KCTD16: variants seen among roughly 807,000 people sequenced by gnomAD.
KCTD16 encodes potassium channel tetramerization domain containing 16.
Under a neutral mutation model 33.2 loss-of-function variants are expected in KCTD16, and 13 were observed. The ratio of observed to expected loss-of-function variants is 0.39; its 90% confidence interval spans 0.25 to 0.62. The LOEUF is 0.62. Among genes scored for constraint, KCTD16 ranks in the 20% least tolerant of loss-of-function variants. The pLI is 0.50. For synonymous variants in KCTD16, 197 were observed against 195.3 expected, an observed-to-expected ratio of 1.01 and a Z score of -0.07; for missense variants, 441 against 525.1, an observed-to-expected ratio of 0.84 and a Z score of 1.57.
intron 3 of KCTD16, among the ~76,000 whole-genome samples, chr5:144,352,070 G>A (rs1331816403): frequency 6.6e-6 from 1 of 152,134 alleles, no homozygotes; most frequent in Non-Finnish European, 1.5e-5. Context: ...TCGTGCATGT[G>A]TTAAATAGCT....
At chr5:144,253,903 A>T (rs1754771174) in intron 3 of KCTD16, among the ~76,000 whole-genome samples, 1 of 152,220 alleles carries the variant, frequency 6.6e-6, no homozygotes, top group South Asian at 2.1e-4. Context: ...TTTTTCATAT[A>T]AAAGTTTTTA....
chr5:144,413,628 T>C (rs1212029893), intron 3 of KCTD16, among the ~76,000 whole-genome samples: 1 of 152,120 alleles, frequency 6.6e-6, no homozygotes, highest in Non-Finnish European at 1.5e-5. Context: ...TCAGGGACTA[T>C]AAGAAGGATT....
chr5:144,305,443 G>A (rs954283147), intron 3 of KCTD16, among the ~76,000 whole-genome samples: 2 of 152,186 alleles, frequency 1.3e-5, no homozygotes, highest in East Asian at 3.8e-4. Flanking sequence ...TCTGACTGGT[G>A]TCTTTATAAG....
At chr5:144,345,044 T>C (rs1019899882) in intron 3 of KCTD16, among the ~76,000 whole-genome samples, 2 of 152,028 alleles carry the variant, frequency 1.3e-5, no homozygotes, top group Non-Finnish European at 2.9e-5. Flanking sequence ...GATGAGTTCA[T>C]GTCCTTTGTA....
At chr5:144,400,945 A>C (rs1446390296) in intron 3 of KCTD16, among the ~76,000 whole-genome samples, 1 of 152,166 alleles carries the variant, frequency 6.6e-6, no homozygotes, top group Non-Finnish European at 1.5e-5. Flanking sequence ...GCTATGCAAA[A>C]GCTTTACATA....
At chr5:144,411,521 TA>T (rs1275543807) in intron 3 of KCTD16, among the ~76,000 whole-genome samples, 8 of 152,080 alleles carry the variant, frequency 5.3e-5, no homozygotes, top group Non-Finnish European at 8.8e-5. Context: ...CTCACCAGAT[TA>T]AAAAAATTAA....
At chr5:144,179,236 A>G (rs1339376601) in intron 2 of KCTD16, among the ~76,000 whole-genome samples, 1 of 152,178 alleles carries the variant, frequency 6.6e-6, no homozygotes, top group Non-Finnish European at 1.5e-5. Context: ...CCTACCCAGC[A>G]GAAAAGTCTC....
chr5:144,203,232 G>GTAATATTAATACTCTTTTTAAGAGTAT (rs1561527273), intron 2 of KCTD16, among the ~76,000 whole-genome samples: 2 of 151,790 alleles, frequency 1.3e-5, no homozygotes, highest in African/African-American at 4.8e-5. Context: ...GCAATTTAAA[G>GTAATATTAATACTCTTTTTAAGAGTAT]TAATATTAAT....
At chr5:144,322,914 C>T (rs1752111686) in intron 3 of KCTD16, among the ~76,000 whole-genome samples, 1 of 152,006 alleles carries the variant, frequency 6.6e-6, no homozygotes, top group African/African-American at 2.4e-5. Context: ...TCCTTCTTAT[C>T]CTTTTATTGT....
At position 144,225,433 on chromosome 5, in the gene KCTD16, G is replaced by A. The variant is rs1476886518; in HGVS notation, c.832+17887G>A. Among the ~76,000 whole-genome samples the A allele has an allele frequency of 3.3e-5, 5 of 152,028 alleles. No individual in the cohort carries two copies. The East Asian group carries it at 5.8e-4, about 18-fold the overall frequency. ...AAGAATTTGATTTCCTAGGTACCACGGATATGAAAAGGCACAGAATTTCAT... is the reference window on the plus strand; with the variant it reads ...AAGAATTTGATTTCCTAGGTACCACAGATATGAAAAGGCACAGAATTTCAT... On this transcript the variant is annotated intron_variant, in intron 3 of 3. Transcript: ENST00000512467.
In KCTD16 at chr5:144,474,281, G is replaced by T. The variant is rs1224486375; in HGVS notation, c.*167G>T. On this transcript the variant is annotated 3_prime_UTR_variant, in exon 4 of 4. Coordinates refer to ENST00000512467, the MANE Select transcript of KCTD16 (RefSeq NM_020768.4). ...TACTTTACCTAGTTCACCTTAACATGTAAATCCACAGGGTAGATTTCTTTC... is the reference window on the plus strand; with the variant it reads ...TACTTTACCTAGTTCACCTTAACATTTAAATCCACAGGGTAGATTTCTTTC... 3 of 591,004 alleles carry T rather than the reference G, an allele frequency of 5.1e-6. No individual in the cohort carries two copies. In the East Asian group the frequency reaches 8.7e-5, roughly 17 times the overall value. 36.6% of individuals were successfully genotyped at this position (591,004 alleles called of 1,614,324 possible).
At chr5:144,388,620 C>G (rs977181333) in intron 3 of KCTD16, among the ~76,000 whole-genome samples, 2 of 152,100 alleles carry the variant, frequency 1.3e-5, no homozygotes, top group African/African-American at 2.4e-5. Flanking sequence ...GCTGTCTATG[C>G]AAGCCATAAG....
At chr5:144,398,830 T>C (rs1245999591) in intron 3 of KCTD16, among the ~76,000 whole-genome samples, 1 of 152,124 alleles carries the variant, frequency 6.6e-6, no homozygotes, top group African/African-American at 2.4e-5. Flanking sequence ...TTCTTTAGGA[T>C]TTAGAAAAGT....
chr5:144,432,839 T>A (rs779595820), intron 3 of KCTD16, among the ~76,000 whole-genome samples: 7 of 152,152 alleles, frequency 4.6e-5, no homozygotes, highest in Admixed American at 3.3e-4. Context: ...CCTATATATG[T>A]CTATATGTAT....
intron 3 of KCTD16, among the ~76,000 whole-genome samples, chr5:144,380,918 A>G (rs1253615591): frequency 6.6e-6 from 1 of 152,190 alleles, no homozygotes; most frequent in Non-Finnish European, 1.5e-5. Flanking sequence ...AGATTTCATG[A>G]CAAAGTCTCC....
chr5:144,464,240 GA>G (rs1331727781), intron 3 of KCTD16, among the ~76,000 whole-genome samples: 1 of 152,162 alleles, frequency 6.6e-6, no homozygotes, highest in East Asian at 1.9e-4. Flanking sequence ...CACTAATCTT[GA>G]AGTTGGATCT....
chr5:144,281,656 A>T (rs944975408), intron 3 of KCTD16, among the ~76,000 whole-genome samples: 1 of 152,184 alleles, frequency 6.6e-6, no homozygotes, highest in African/African-American at 2.4e-5. Context: ...AAAAAAATTC[A>T]TTTTGCTATT....
chr5:144,214,475 T>C (rs1478201790), intron 3 of KCTD16, among the ~76,000 whole-genome samples: 1 of 152,218 alleles, frequency 6.6e-6, no homozygotes, highest in African/African-American at 2.4e-5. Context: ...CTCTTTAACA[T>C]GAACCACATC....
At chr5:144,208,080 C>T (rs574701738) in intron 3 of KCTD16, among the ~76,000 whole-genome samples, 1 of 152,162 alleles carries the variant, frequency 6.6e-6, no homozygotes, top group Non-Finnish European at 1.5e-5. Flanking sequence ...CCCTGCTCCC[C>T]CCAAGTCTAA....
Sources: gnomAD v4.1 joint callset for allele counts (sites outside exome capture counted in the v4.1 genomes callset) on GRCh38, gnomAD v4.1.1 for gene constraint, MANE v1.5 for transcripts, NCBI Gene and HGNC (gene_info 2026-07-23, HGNC 2026-07-21) for gene names.